CNTNAP5: variants seen among roughly 807,000 people sequenced by gnomAD.
CNTNAP5 encodes the protein contactin associated protein family member 5.
In CNTNAP5, 72 loss-of-function variants were observed where a neutral mutation model predicts 150.2. That is an observed-to-expected ratio of 0.48 (90% CI 0.40 to 0.58). The LOEUF (loss-of-function observed/expected upper bound fraction) is 0.58, where lower values mean the gene tolerates loss of function less well. Among genes scored for constraint, CNTNAP5 ranks in the 20% least tolerant of loss-of-function variants. The pLI is 0.00. For synonymous variants in CNTNAP5, 672 were observed against 619.8 expected (o/e 1.08, Z -1.25); for missense variants, 1,636 against 1,626.2 (o/e 1.01, Z -0.10).
intron 7 of CNTNAP5, among the ~76,000 whole-genome samples, chr2:124,499,893 A>G (rs533255474): frequency 1.3e-5 from 2 of 152,236 alleles, no homozygotes; most frequent in South Asian, 4.2e-4. Flanking sequence ...ATAATGAAAA[A>G]TTGGCTCACT....
At chr2:124,281,987 C>T (rs1376178775) in intron 3 of CNTNAP5, among the ~76,000 whole-genome samples, 2 of 152,136 alleles carry the variant, frequency 1.3e-5, no homozygotes, top group Non-Finnish European at 2.9e-5. Context: ...AAACCACCCT[C>T]CCTGTCCTTT....
At chr2:124,197,055 C>A (rs1430325133) in intron 1 of CNTNAP5, among the ~76,000 whole-genome samples, 2 of 152,174 alleles carry the variant, frequency 1.3e-5, no homozygotes, top group African/African-American at 4.8e-5. Flanking sequence ...TCACATGTTA[C>A]ATGTTTTATT....
At position 124,419,988 on chromosome 2, in the gene CNTNAP5, C is replaced by CTTTCTTTT. The variant is rs760831784; in HGVS notation, c.529+2401_529+2402insCTTTTTTT. On this transcript the variant is annotated intron_variant, in intron 4 of 23. Coordinates refer to ENST00000682447, the MANE Select transcript of CNTNAP5 (RefSeq NM_001367498.1). ...TCTCTCTCTCTTTCTTTCTTTCTTT[C>CTTTCTTTT]TTTTTTTTTTTTTTTTTTTTTGAGA... is the stretch of plus-strand genomic sequence containing the variant. Among the ~76,000 whole-genome samples the CTTTCTTTT allele has an allele frequency of 5.1e-4, 40 of 78,884 alleles. 2 individuals are homozygous for CTTTCTTTT. Among genetic ancestry groups the CTTTCTTTT allele is most frequent in the Middle Eastern group, 5.2e-3 (1 of 192 alleles). 51.8% of individuals were successfully genotyped at this position (78,884 alleles called of 152,430 possible).
At chr2:124,307,182 T>C (rs1688714096) in intron 3 of CNTNAP5, among the ~76,000 whole-genome samples, 1 of 152,138 alleles carries the variant, frequency 6.6e-6, no homozygotes, top group African/African-American at 2.4e-5. Context: ...CCAGAATGAT[T>C]GGGTTTTTGC....
At chr2:124,213,617 AACATAGCTCTTGGT>A (rs1376309373) in intron 1 of CNTNAP5, among the ~76,000 whole-genome samples, 1 of 152,242 alleles carries the variant, frequency 6.6e-6, no homozygotes, top group East Asian at 1.9e-4. Context: ...AGTTGTAAAC[AACATAGCTCTTGGT>A]ACAGAATTAC....
chr2:124,137,553 A>G (rs1234919480), intron 1 of CNTNAP5, among the ~76,000 whole-genome samples: 1 of 152,184 alleles, frequency 6.6e-6, no homozygotes, highest in Admixed American at 6.5e-5. Flanking sequence ...TTCAGTCACA[A>G]ATACACATGT....
chr2:124,620,996 T>C (rs1351211694), intron 12 of CNTNAP5, among the ~76,000 whole-genome samples: 1 of 152,172 alleles, frequency 6.6e-6, no homozygotes, highest in African/African-American at 2.4e-5. Flanking sequence ...TCAGAGGCTC[T>C]TGGAGCCTGG....
chr2:124,290,685 T>C (rs1688264613), intron 3 of CNTNAP5, among the ~76,000 whole-genome samples: 1 of 152,114 alleles, frequency 6.6e-6, no homozygotes. Context: ...TGGGAACTGT[T>C]CCATCTGCAA....
intron 3 of CNTNAP5, among the ~76,000 whole-genome samples, chr2:124,347,276 A>G (rs1230314810): frequency 6.6e-6 from 1 of 152,162 alleles, no homozygotes; most frequent in Non-Finnish European, 1.5e-5. Flanking sequence ...GAGAAAGACT[A>G]GCTAAGGCGT....
intron 3 of CNTNAP5, among the ~76,000 whole-genome samples, chr2:124,282,325 A>G (rs547469600): frequency 2.0e-4 from 30 of 152,348 alleles, no homozygotes; most frequent in East Asian, 1.3e-3. Context: ...TGATCAGTAT[A>G]AAGAACTAGG....
At chr2:124,161,462 C>G (rs1182101238) in intron 1 of CNTNAP5, among the ~76,000 whole-genome samples, 1 of 152,132 alleles carries the variant, frequency 6.6e-6, no homozygotes, top group Admixed American at 6.6e-5. Context: ...CAAACCCAAG[C>G]ACTAACAGGA....
intron 14 of CNTNAP5, among the ~76,000 whole-genome samples, chr2:124,750,377 C>G (rs148829294): frequency 2.0e-5 from 3 of 152,294 alleles, no homozygotes; most frequent in African/African-American, 7.2e-5. Flanking sequence ...CTGTCATTCT[C>G]AAGAGGGAGT....
At chr2:124,232,859 G>T (rs1161493938) in intron 2 of CNTNAP5, among the ~76,000 whole-genome samples, 1 of 152,028 alleles carries the variant, frequency 6.6e-6, no homozygotes, top group Non-Finnish European at 1.5e-5. Context: ...GTGCTTCTGT[G>T]TGTAAATAAC....
At chr2:124,297,227 CA>C (rs1294504888) in intron 3 of CNTNAP5, among the ~76,000 whole-genome samples, 1 of 152,190 alleles carries the variant, frequency 6.6e-6, no homozygotes, top group Non-Finnish European at 1.5e-5. Flanking sequence ...ATATTTGCCT[CA>C]AAAACTAAGT....
intron 3 of CNTNAP5, among the ~76,000 whole-genome samples, chr2:124,337,273 C>T (rs1160333902): frequency 2.6e-5 from 4 of 152,082 alleles, no homozygotes; most frequent in African/African-American, 9.7e-5. Flanking sequence ...TAGATATTAG[C>T]CCTTTGTCAG....
At chr2:124,660,116 T>TA (rs1417702478) in intron 13 of CNTNAP5, among the ~76,000 whole-genome samples, 1 of 152,072 alleles carries the variant, frequency 6.6e-6, no homozygotes, top group Admixed American at 6.6e-5. Context: ...GAGATCTTTC[T>TA]ATGTTTCAGA....
intron 3 of CNTNAP5, among the ~76,000 whole-genome samples, chr2:124,407,207 A>G (rs776969472): frequency 6.6e-6 from 1 of 152,176 alleles, no homozygotes; most frequent in Non-Finnish European, 1.5e-5. Context: ...CATTTTCACT[A>G]GAGGGATTGA....
chr2:124,733,690 C>A (rs773421887), intron 13 of CNTNAP5, among the ~76,000 whole-genome samples: 4 of 152,064 alleles, frequency 2.6e-5, no homozygotes, highest in Non-Finnish European at 5.9e-5. Flanking sequence ...TCTTTAAATT[C>A]ATTTGCAAAT....
intron 1 of CNTNAP5, among the ~76,000 whole-genome samples, chr2:124,196,126 C>T (rs1238422258): frequency 6.6e-6 from 1 of 151,842 alleles, no homozygotes; most frequent in Non-Finnish European, 1.5e-5. Context: ...GGGAAGAAGA[C>T]AATTGTCAAG....
Sources: gnomAD v4.1 joint callset for allele counts (sites outside exome capture counted in the v4.1 genomes callset) on GRCh38, gnomAD v4.1.1 for gene constraint, MANE v1.5 for transcripts, NCBI Gene and HGNC (gene_info 2026-07-23, HGNC 2026-07-21) for gene names.